Variants in UTP23 observed in about 807,000 individuals in gnomAD.
The protein encoded by UTP23 is UTP23 small subunit processome component.
Under a neutral mutation model 19.8 loss-of-function variants are expected in UTP23, and 10 were observed. The observed-to-expected ratio is 0.50, with a 90% CI of 0.31 to 0.86. UTP23 has a LOEUF of 0.86. Ranked by LOEUF, UTP23 falls within the 40% of genes least tolerant of loss-of-function variation. The pLI, the probability that UTP23 is intolerant of heterozygous loss-of-function variation, is 0.05. For synonymous variants in UTP23, 108 were observed against 105.4 expected, an observed-to-expected ratio of 1.02 and a Z score of -0.15; for missense variants, 282 against 293.1, an observed-to-expected ratio of 0.96 and a Z score of 0.28.
chr8:116,771,380 A>G, intron 2 of UTP23, 76 bp from the exon 3 acceptor site: 8 of 1,220,362 alleles, frequency 6.6e-6, no homozygotes, highest in Non-Finnish European at 8.7e-6. Context: ...TTTTATTTTT[A>G]ATACAGTTCT....
rs1815692877 is a variant in UTP23, at chr8:116,773,975, G to A, written c.*2133G>A. ...CTATACCACTACCCCTAAAACCTCA[G>A]AATTATTTGCTTTATTTTTTCATAC... On this transcript the variant is annotated 3_prime_UTR_variant, in exon 3 of 3. Coordinates refer to ENST00000309822, the MANE Select transcript of UTP23 (RefSeq NM_032334.3). 4 of 985,286 alleles carry A rather than the reference G, an allele frequency of 4.1e-6. No homozygotes were observed. The South Asian group carries it at 1.9e-4, about 46-fold the overall frequency. The allele number at this position is 985,286 out of a possible 1,614,324, so 61.0% of individuals were successfully genotyped here.
At position 116,766,981 on chromosome 8, in the gene UTP23, C is replaced by T. The variant is rs918703195; in HGVS notation, c.188+190C>T. On this transcript the variant is annotated intron_variant, in intron 1 of 2. Coordinates refer to ENST00000309822, the MANE Select transcript of UTP23 (RefSeq NM_032334.3). ...ATAATAGAGGCAGATTGGACAGTGC[C>T]CTGTGAATATCACGTGTCGTTAGCC... 9.3e-6 allele frequency: 5 copies of T among 539,148 alleles called. No homozygotes were observed. The African/African-American group carries it at 9.8e-5, about 11-fold the overall frequency. 33.4% of individuals were successfully genotyped at this position (539,148 alleles called of 1,614,324 possible).
chr8:116,771,501 C>G lies in UTP23; in HGVS notation c.409C>G (p.Leu137Val). The part of the protein sequence containing the change: ...VKVKKKPGVP[L>V]MFIIQNTMVL... The stretch of plus-strand genomic sequence containing the variant: ...AGTAAAAAAGAAGCCTGGAGTTCCT[C>G]TCATGTTTATTATTCAGAACACTAT... Residue 137 changes from leucine (L) to valine (V), a missense_variant, in exon 3 of 3, where the codon CTC becomes GTC. Coordinates refer to ENST00000309822, the MANE Select transcript of UTP23 (RefSeq NM_032334.3). 1 of 1,541,076 alleles carries G rather than the reference C, an allele frequency of 6.5e-7. No individual in the cohort carries two copies. The highest frequency in any genetic ancestry group is 8.7e-7 in the Non-Finnish European group (1 of 1,150,138).
chr8:116,766,910 G>T, intron 1 of UTP23, 119 bp downstream of exon 1: 2 of 1,007,412 alleles, frequency 2.0e-6, no homozygotes, highest in Non-Finnish European at 2.8e-6. Context: ...CGCCCACGTG[G>T]AGTTGACAGT....
chr8:116,769,002 T>A (rs903156626), intron 1 of UTP23, among the ~76,000 whole-genome samples: 4 of 152,180 alleles, frequency 2.6e-5, no homozygotes, highest in African/African-American at 9.7e-5. Flanking sequence ...TCCCTTTAAA[T>A]TTTGCAATTT....
Position 116,772,566 on chromosome 8 carries a change from T to G in UTP23, c.*724T>G. On this transcript the variant is annotated 3_prime_UTR_variant, in exon 3 of 3. Transcript: ENST00000309822. ...CAGTATATGAATATTTTACTCTTTG[T>G]ACATCAGAAACTCAGTATTTTCATT... is the stretch of plus-strand genomic sequence containing the variant. 1 of 985,172 alleles carries G rather than the reference T, an allele frequency of 1.0e-6. No homozygotes were observed. The highest frequency in any genetic ancestry group is 1.2e-6 in the Non-Finnish European group (1 of 829,662). 61.0% of individuals were successfully genotyped at this position (985,172 alleles called of 1,614,324 possible).
In UTP23 at chr8:116,772,501, A is replaced by G. The variant is rs1815671343; in HGVS notation, c.*659A>G. 1.0e-6 allele frequency: 1 copy of G among 981,698 alleles called. No individual in the cohort carries two copies. The highest frequency in any genetic ancestry group is 1.2e-6 in the Non-Finnish European group (1 of 826,626). The allele number at this position is 981,698 out of a possible 1,614,324, so 60.8% of individuals were successfully genotyped here. ...CAATTATTTATTGACTTCCTACTAG[A>G]AAGAGTGAAATTTTGCCCATTTATA... On this transcript the variant is annotated 3_prime_UTR_variant, in exon 3 of 3. Coordinates refer to ENST00000309822, the MANE Select transcript of UTP23 (RefSeq NM_032334.3).
At chr8:116,771,265 CTG>C (rs1305078321) in intron 2 of UTP23, among the ~76,000 whole-genome samples, 189 bp from the exon 3 acceptor site, 1 of 152,176 alleles carries the variant, frequency 6.6e-6, no homozygotes, top group East Asian at 1.9e-4. Context: ...GCTACTAACA[CTG>C]TGCTCAGTTT....
chr8:116,771,354 T>C (rs993590168), intron 2 of UTP23, 102 bp from the exon 3 acceptor site: 13 of 1,033,626 alleles, frequency 1.3e-5, no homozygotes, highest in African/African-American at 1.7e-5. Context: ...ATTTGAAAAA[T>C]AAAATCTGTG....
At position 116,772,864 on chromosome 8, in the gene UTP23, T is replaced by C. The variant is rs1447010334; in HGVS notation, c.*1022T>C. 8.1e-6 allele frequency: 8 copies of C among 985,338 alleles called. No individual in the cohort carries two copies. Among genetic ancestry groups the C allele is most frequent in the Admixed American group, 6.1e-5 (1 of 16,270 alleles). 61.0% of individuals were successfully genotyped at this position (985,338 alleles called of 1,614,324 possible). A position where few individuals can be genotyped will look rare whatever the true frequency, so the allele number is the denominator to read the frequency against. On this transcript the variant is annotated 3_prime_UTR_variant, in exon 3 of 3. Coordinates refer to ENST00000309822, the MANE Select transcript of UTP23 (RefSeq NM_032334.3). The stretch of plus-strand genomic sequence containing the variant: ...TTATCAGGCCAAAATTAAAATGTTT[T>C]TGTACTACAAGATGGAAGTATAAAA...
At chr8:116,770,571 G>T in intron 2 of UTP23, 1 of 460,356 alleles carries the variant, frequency 2.2e-6, no homozygotes, top group Non-Finnish European at 3.7e-6. Flanking sequence ...AGTAGTGGAA[G>T]GTTGGGTTTT....
chr8:116,767,795 G>T (rs1815603779), intron 1 of UTP23, among the ~76,000 whole-genome samples: 5 of 152,076 alleles, frequency 3.3e-5, no homozygotes, highest in Admixed American at 2.0e-4. Flanking sequence ...TTTCATTGTA[G>T]AATATTTACT....
chr8:116,771,362 G>A, intron 2 of UTP23, 94 bp from the exon 3 acceptor site: 1 of 1,064,462 alleles, frequency 9.4e-7, no homozygotes, highest in Middle Eastern at 3.4e-4. Flanking sequence ...AATAAAATCT[G>A]TGATCTCTTT....
Position 116,774,424 on chromosome 8 carries a change from A to G in UTP23, c.*2582A>G. Reference sequence around the variant, plus strand: ...TGACAGGTTTAATTGCTAGTTTTTTATAGGTGGATAGAAATGAATAGTTTG... The same window carrying G: ...TGACAGGTTTAATTGCTAGTTTTTTGTAGGTGGATAGAAATGAATAGTTTG... On this transcript the variant is annotated 3_prime_UTR_variant, in exon 3 of 3. Coordinates refer to ENST00000309822, the MANE Select transcript of UTP23 (RefSeq NM_032334.3). 1.2e-6 allele frequency: 1 copy of G among 869,334 alleles called. No homozygotes were observed. The highest frequency in any genetic ancestry group is 1.4e-6 in the Non-Finnish European group (1 of 722,022). The allele number at this position is 869,334 out of a possible 1,614,324, so 53.9% of individuals were successfully genotyped here. A position where few individuals can be genotyped will look rare whatever the true frequency, so the allele number is the denominator to read the frequency against.
Position 116,773,274 on chromosome 8 carries a change from G to T in UTP23, c.*1432G>T, listed in dbSNP as rs757330675. The T allele has an allele frequency of 5.9e-5, 58 of 985,204 alleles. No individual in the cohort carries two copies. Among genetic ancestry groups the T allele is most frequent in the South Asian group, 9.4e-5 (2 of 21,288 alleles). The allele number at this position is 985,204 out of a possible 1,614,324, so 61.0% of individuals were successfully genotyped here. The stretch of plus-strand genomic sequence containing the variant: ...GGTTTTGTGAGGAAAGTTAACATTT[G>T]TCAATGACAAGCATTAAGGCCACCT... On this transcript the variant is annotated 3_prime_UTR_variant, in exon 3 of 3. Transcript: ENST00000309822.
Position 116,771,478 on chromosome 8 carries a change from T to TA in UTP23, c.392dup (p.Lys132GlufsTer40). ...TAGGATCAGAATTTGTCTGTGAAAGTAAAAAAGAAGCCTGGAGTTCCTCTC... is the reference window on the plus strand; with the variant it reads ...TAGGATCAGAATTTGTCTGTGAAAGTAAAAAAAGAAGCCTGGAGTTCCTCTC... On this transcript the variant is annotated frameshift_variant, in exon 3 of 3. Coordinates refer to ENST00000309822, the MANE Select transcript of UTP23 (RefSeq NM_032334.3). LOFTEE classifies it high-confidence loss of function. The TA allele has an allele frequency of 6.7e-7, 1 of 1,497,592 alleles. No homozygotes were observed. The allele number at this position is 1,497,592 out of a possible 1,614,324, so 92.8% of individuals were successfully genotyped here.
chr8:116,772,832 T>C lies in UTP23; in HGVS notation c.*990T>C, dbSNP rs1815677363. 5 of 985,448 alleles carry C rather than the reference T, an allele frequency of 5.1e-6. No homozygotes were observed. The highest frequency in any genetic ancestry group is 4.8e-6 in the Non-Finnish European group (4 of 829,932). 61.0% of individuals were successfully genotyped at this position (985,448 alleles called of 1,614,324 possible). On this transcript the variant is annotated 3_prime_UTR_variant, in exon 3 of 3. Transcript: ENST00000309822. ...CTCTGAATTCCCCCGGCAATTGTTT[T>C]AGTCATTTATCAGGCCAAAATTAAA...
chr8:116,774,169 G>T lies in UTP23; in HGVS notation c.*2327G>T. 1.0e-6 allele frequency: 1 copy of T among 985,326 alleles called. No individual in the cohort carries two copies. Among genetic ancestry groups the T allele is most frequent in the Non-Finnish European group, 1.2e-6 (1 of 829,918 alleles). 61.0% of individuals were successfully genotyped at this position (985,326 alleles called of 1,614,324 possible). A position where few individuals can be genotyped will look rare whatever the true frequency, so the allele number is the denominator to read the frequency against. ...TCTGAAAGTTTGCCAATCTGAAAAG[G>T]GGTGTTTCTGAAGACCACTATCTTT... On this transcript the variant is annotated 3_prime_UTR_variant, in exon 3 of 3. Transcript: ENST00000309822.
Position 116,774,520 on chromosome 8 carries a change from A to C in UTP23, c.*2678A>C, listed in dbSNP as rs141285416. On this transcript the variant is annotated 3_prime_UTR_variant, in exon 3 of 3. Transcript: ENST00000309822. ...TATGACATTATTCCCAATTAGTTTT[A>C]TATCTCCAAGATATATATATGTATA... The C allele has an allele frequency of 1.5e-4, 121 of 786,254 alleles. No individual in the cohort carries two copies. In the African/African-American group the frequency reaches 2.1e-3, roughly 14 times the overall value. 48.7% of individuals were successfully genotyped at this position (786,254 alleles called of 1,614,324 possible). A position where few individuals can be genotyped will look rare whatever the true frequency, so the allele number is the denominator to read the frequency against.
Sources: gnomAD v4.1 joint callset for allele counts (sites outside exome capture counted in the v4.1 genomes callset) on GRCh38, gnomAD v4.1.1 for gene constraint, MANE v1.5 for transcripts, NCBI Gene and HGNC (gene_info 2026-07-23, HGNC 2026-07-21) for gene names.